Variants in DGLUCY observed in about 807,000 individuals in gnomAD.
The protein encoded by DGLUCY is D-glutamate cyclase.
Under a neutral mutation model 58.5 loss-of-function variants are expected in DGLUCY, and 58 were observed. The observed-to-expected ratio is 0.99, with a 90% CI of 0.80 to 1.23. The LOEUF (loss-of-function observed/expected upper bound fraction) is 1.23. DGLUCY is among the 50% of genes most tolerant of loss of function. The pLI, the probability that DGLUCY is intolerant of heterozygous loss-of-function variation, is 0.00. For missense variants in DGLUCY, 779 were observed against 784.7 expected (o/e 0.99, Z 0.09); for synonymous variants, 325 against 314.1 (o/e 1.03, Z -0.37).
At chr14:91,126,762 G>A (rs550232078) in intron 1 of DGLUCY, among the ~76,000 whole-genome samples, 1 of 152,104 alleles carries the variant, frequency 6.6e-6, no homozygotes, top group Non-Finnish European at 1.5e-5. Context: ...CTCATCTCAA[G>A]ATCTTTCACT....
chr14:91,083,976 T>C (rs1351482545), intron 1 of DGLUCY, among the ~76,000 whole-genome samples: 1 of 152,164 alleles, frequency 6.6e-6, no homozygotes, highest in East Asian at 1.9e-4. Context: ...GTGTATTTTC[T>C]TCTTTGCTGC....
rs11159994 is a variant in DGLUCY at position 91,116,493 on chromosome 14, G to A, written c.-82+2210G>A. On this transcript the variant is annotated intron_variant, in intron 1 of 13. Transcript: ENST00000256324. Reference sequence around the variant, plus strand: ...GTGAAATTGTAAAAAGTTATGCTTTGAAAAGCATAGTGACTGAAAGTATGA... The same window carrying A: ...GTGAAATTGTAAAAAGTTATGCTTTAAAAAGCATAGTGACTGAAAGTATGA... 9.8e-3 allele frequency among the ~76,000 whole-genome samples: 1,491 copies of A among 152,288 alleles called. 24 individuals carry two copies. Among genetic ancestry groups the A allele is most frequent in the African/African-American group, 0.034 (1,431 of 41,548 alleles).
upstream of DGLUCY, among the ~76,000 whole-genome samples, chr14:91,110,430 C>CTTTTTTTTTTTTTT (rs10711938): frequency 1.1e-5 from 1 of 88,094 alleles, no homozygotes; most frequent in Non-Finnish European, 2.3e-5. Flanking sequence ...TTCTTTCTTT[C>CTTTTTTTTTTTTTT]TTTTTTTTTT....
intron 13 of DGLUCY, among the ~76,000 whole-genome samples, chr14:91,216,624 A>G (rs1328191559): frequency 1.4e-5 from 2 of 147,058 alleles, no homozygotes; most frequent in Non-Finnish European, 3.0e-5. Context: ...AGCCTTGGAG[A>G]CAGAGTGGGA....
intron 12 of DGLUCY, among the ~76,000 whole-genome samples, chr14:91,206,727 C>A (rs1370998679): frequency 1.3e-5 from 2 of 151,858 alleles, no homozygotes. Context: ...CACCTTTCAA[C>A]AACAAAAAAA....
At chr14:91,178,460 AC>A (rs1445483777) in intron 7 of DGLUCY, among the ~76,000 whole-genome samples, 4 of 152,082 alleles carry the variant, frequency 2.6e-5, no homozygotes, top group African/African-American at 4.8e-5. Context: ...CACCATGCCT[AC>A]CTTGAACTTC....
chr14:91,210,906 G>A (rs1232636114), intron 12 of DGLUCY, among the ~76,000 whole-genome samples: 3 of 152,196 alleles, frequency 2.0e-5, no homozygotes, highest in Non-Finnish European at 1.5e-5. Context: ...AACAGATTGG[G>A]AAGGAATAAA....
At chr14:91,074,294 CA>C (rs55872945) in intron 1 of DGLUCY, among the ~76,000 whole-genome samples, 13,368 of 102,884 alleles carry the variant, frequency 0.13, 739 homozygotes, top group African/African-American at 0.16. Flanking sequence ...TACCCTGTCT[CA>C]AAAAAAAAAA....
intron 1 of DGLUCY, among the ~76,000 whole-genome samples, chr14:91,064,630 A>G (rs2043789927): frequency 6.6e-6 from 1 of 151,540 alleles, no homozygotes. Context: ...CTCAAAAAAA[A>G]AAAAAAAAAA....
chr14:91,220,388 T>TATC (rs959658531), intron 13 of DGLUCY: 111 of 426,144 alleles, frequency 2.6e-4, no homozygotes, highest in African/African-American at 1.9e-3. Flanking sequence ...CAACCGTCAT[T>TATC]ATCATCATCA....
intron 8 of DGLUCY, among the ~76,000 whole-genome samples, chr14:91,186,346 A>G (rs540543629): frequency 6.6e-6 from 1 of 152,136 alleles, no homozygotes; most frequent in Admixed American, 6.5e-5. Context: ...TCCCAAGTTC[A>G]AGTGATTCTC....
intron 6 of DGLUCY, among the ~76,000 whole-genome samples, chr14:91,174,130 G>A (rs750997999): frequency 3.9e-5 from 6 of 151,926 alleles, no homozygotes; most frequent in Admixed American, 1.3e-4. Context: ...TGAAGCCTCC[G>A]TAAAACCCCA....
chr14:91,202,033 C>T (rs952092395), intron 11 of DGLUCY, among the ~76,000 whole-genome samples: 2 of 95,718 alleles, frequency 2.1e-5, no homozygotes, highest in Admixed American at 2.4e-4. Flanking sequence ...CCAGCCTGGG[C>T]GACAAGAGCA....
chr14:91,212,663 C>T, intron 12 of DGLUCY, among the ~76,000 whole-genome samples: 1 of 151,874 alleles, frequency 6.6e-6, no homozygotes, highest in East Asian at 1.9e-4. Context: ...GATTGCGCCA[C>T]TGCACTCCAG....
intron 1 of DGLUCY, among the ~76,000 whole-genome samples, chr14:91,070,257 G>A (rs1438528364): frequency 6.6e-6 from 1 of 152,162 alleles, no homozygotes; most frequent in Non-Finnish European, 1.5e-5. Context: ...ATGAGGGGGT[G>A]AAGGGGGTAG....
At chr14:91,221,333 AAGGCACTCAGGAAATGTTGGATGGAG>A (rs1182902300) in intron 13 of DGLUCY, among the ~76,000 whole-genome samples, 1 of 152,222 alleles carries the variant, frequency 6.6e-6, no homozygotes, top group Admixed American at 6.5e-5. Context: ...TGGCCCAGGG[AAGGCACTCAGGAAATGTTGGATGGAG>A]AGATGATGGA....
intron 2 of DGLUCY, among the ~76,000 whole-genome samples, chr14:91,157,917 G>A (rs1352138531): frequency 6.6e-6 from 1 of 152,214 alleles, no homozygotes; most frequent in Admixed American, 6.5e-5. Context: ...TGGCTAAAAT[G>A]TATTTGCAAA....
At chr14:91,101,869 T>C (rs985476291) in intron 1 of DGLUCY, among the ~76,000 whole-genome samples, 5 of 152,128 alleles carry the variant, frequency 3.3e-5, no homozygotes, top group African/African-American at 9.7e-5. Context: ...TAATTTTTTA[T>C]TTTTTTAGAG....
intron 13 of DGLUCY, among the ~76,000 whole-genome samples, chr14:91,217,547 C>T (rs559523239): frequency 2.1e-4 from 32 of 150,402 alleles, no homozygotes; most frequent in African/African-American, 7.6e-4. Flanking sequence ...TATAGTGGCA[C>T]GATCTCGGCT....
Sources: allele counts gnomAD v4.1 joint callset (sites outside exome capture counted in the v4.1 genomes callset), GRCh38; gene constraint gnomAD v4.1.1; transcripts MANE v1.5; gene names NCBI Gene and HGNC (gene_info 2026-07-23, HGNC 2026-07-21).